CNTLN: variants seen among roughly 807,000 people sequenced by gnomAD.
CNTLN encodes the protein centlein, also known as centlein, centrosomal protein.
A neutral mutation model predicts 180.0 loss-of-function variants in CNTLN; 212 were observed. That is an observed-to-expected ratio of 1.18 (90% CI 1.05 to 1.32). CNTLN has a LOEUF of 1.32. Among genes scored for constraint, CNTLN ranks in the 40% most tolerant of loss-of-function variants. The pLI, the probability that CNTLN is intolerant of heterozygous loss-of-function variation, is 0.00. For missense variants in CNTLN, 2,095 were observed against 1,610.9 expected (o/e 1.30, Z -5.14); for synonymous variants, 722 against 563.1 (o/e 1.28, Z -3.99).
rs777009776 is a variant in CNTLN, at chr9:17,332,732, T to C, written c.1644+2T>C. 1.3e-6 allele frequency: 2 copies of C among 1,581,824 alleles called. No individual in the cohort carries two copies. Among genetic ancestry groups the C allele is most frequent in the South Asian group, 2.3e-5 (2 of 85,346 alleles). Reference sequence around the variant, plus strand: ...TTAGAGAAGGCACTACAACTAAAGGTGAACATTAAATCATTTCTTTAGTAG... The same window carrying C: ...TTAGAGAAGGCACTACAACTAAAGGCGAACATTAAATCATTTCTTTAGTAG... On this transcript the variant is annotated splice_donor_variant, in intron 10 of 25. Transcript: ENST00000380647. LOFTEE classifies it high-confidence loss of function.
the CNTLN span, among the ~76,000 whole-genome samples, chr9:17,512,956 A>G: frequency 6.6e-6 from 1 of 152,108 alleles, no homozygotes; most frequent in Non-Finnish European, 1.5e-5. Flanking sequence ...AGCTGGGACT[A>G]CAGGCGCCCA....
the CNTLN span, among the ~76,000 whole-genome samples, chr9:17,520,218 T>C: frequency 6.6e-6 from 1 of 152,234 alleles, no homozygotes; most frequent in Non-Finnish European, 1.5e-5. Flanking sequence ...TCTGATCTTC[T>C]GTAATAGCCA....
chr9:17,152,245 G>A (rs1818939405), intron 2 of CNTLN, among the ~76,000 whole-genome samples: 2 of 152,028 alleles, frequency 1.3e-5, no homozygotes, highest in Admixed American at 6.6e-5. Context: ...CCTTTTAATT[G>A]TGATGTTAGG....
At chr9:17,316,321 C>T (rs569519821) in intron 8 of CNTLN, among the ~76,000 whole-genome samples, 1 of 152,004 alleles carries the variant, frequency 6.6e-6, no homozygotes, top group African/African-American at 2.4e-5. Flanking sequence ...AATATATGTG[C>T]CTTTTAATCT....
the CNTLN span, among the ~76,000 whole-genome samples, chr9:17,514,479 A>G: frequency 6.6e-6 from 1 of 152,242 alleles, no homozygotes; most frequent in Non-Finnish European, 1.5e-5. Flanking sequence ...AACTACACAC[A>G]GAAGAAGATG....
At chr9:17,181,909 T>C (rs1355743657) in intron 2 of CNTLN, among the ~76,000 whole-genome samples, 1 of 152,208 alleles carries the variant, frequency 6.6e-6, no homozygotes, top group Non-Finnish European at 1.5e-5. Context: ...AGCCTTGTTA[T>C]TGCTGGGCAG....
chr9:17,323,845 C>G (rs1487776219), intron 8 of CNTLN, among the ~76,000 whole-genome samples: 1 of 152,080 alleles, frequency 6.6e-6, no homozygotes, highest in African/African-American at 2.4e-5. Context: ...ATTACCCTAG[C>G]AGTTAACAAG....
At chr9:17,187,700 T>C (rs1460250561) in intron 2 of CNTLN, among the ~76,000 whole-genome samples, 1 of 151,720 alleles carries the variant, frequency 6.6e-6, no homozygotes, top group African/African-American at 2.4e-5. Flanking sequence ...GAATTTAACA[T>C]AATTTATTGT....
At chr9:17,396,533 G>T (rs1826539320) in intron 15 of CNTLN, among the ~76,000 whole-genome samples, 1 of 151,900 alleles carries the variant, frequency 6.6e-6, no homozygotes, top group African/African-American at 2.4e-5. Flanking sequence ...ATTTTGTTTT[G>T]TTTTTAAATC....
intron 8 of CNTLN, among the ~76,000 whole-genome samples, chr9:17,327,427 G>A (rs1042152361): frequency 2.7e-5 from 4 of 150,128 alleles, no homozygotes; most frequent in Non-Finnish European, 5.9e-5. Flanking sequence ...CTCGTGATCC[G>A]CTCTTCTCGG....
intron 2 of CNTLN, among the ~76,000 whole-genome samples, chr9:17,165,079 C>T (rs148680949): frequency 6.6e-6 from 1 of 151,860 alleles, no homozygotes; most frequent in African/African-American, 2.4e-5. Context: ...ACCTCGTGAT[C>T]CATCCTCCTT....
intron 2 of CNTLN, among the ~76,000 whole-genome samples, chr9:17,178,316 T>A (rs1344190825): frequency 1.3e-5 from 2 of 152,174 alleles, no homozygotes. Flanking sequence ...GTTCTCCAAT[T>A]CCCCACCAGA....
chr9:17,232,212 G>A (rs928720469), intron 3 of CNTLN, among the ~76,000 whole-genome samples: 2 of 151,948 alleles, frequency 1.3e-5, no homozygotes, highest in African/African-American at 2.4e-5. Flanking sequence ...GTGCTCTTGT[G>A]TTGGGAGAGA....
chr9:17,382,936 A>G (rs537696605), intron 13 of CNTLN, among the ~76,000 whole-genome samples: 97 of 152,166 alleles, frequency 6.4e-4, no homozygotes, highest in Admixed American at 3.0e-3. Flanking sequence ...GCAAAATAAA[A>G]CCCCAAAAGT....
intron 2 of CNTLN, among the ~76,000 whole-genome samples, chr9:17,203,585 C>T (rs1231279492): frequency 6.6e-6 from 1 of 152,090 alleles, no homozygotes; most frequent in Non-Finnish European, 1.5e-5. Flanking sequence ...GAGACAGAGT[C>T]TCACTCTGTC....
chr9:17,290,865 G>T (rs1029965323), intron 6 of CNTLN, among the ~76,000 whole-genome samples: 2 of 152,292 alleles, frequency 1.3e-5, no homozygotes, highest in Admixed American at 1.3e-4. Context: ...CCCTGCTTCG[G>T]CTCGCGCATG....
chr9:17,394,552 C>T lies in CNTLN; in HGVS notation c.2098C>T (p.Arg700Trp), dbSNP rs181851213. Reference sequence around the variant, plus strand: ...CCTTTAGGTCACTGAGTTGGAAAATCGGCTGAAATCTTTTGAGAAAAGGTC... The same window carrying T: ...CCTTTAGGTCACTGAGTTGGAAAATTGGCTGAAATCTTTTGAGAAAAGGTC... ...TLQKVTELEN[R>W]LKSFEKRSRK... Residue 700 changes from arginine (R) to tryptophan (W), a missense_variant, in exon 15 of 26, where the codon CGG (arginine) becomes TGG (tryptophan). By Grantham distance (101) the Arg-to-Trp change is moderately radical. Transcript: ENST00000380647. 3.0e-5 allele frequency: 48 copies of T among 1,575,340 alleles called. No homozygotes were observed. Among genetic ancestry groups the T allele is most frequent in the African/African-American group, 2.6e-4 (19 of 72,556 alleles).
At chr9:17,322,786 C>T (rs1023088794) in intron 8 of CNTLN, among the ~76,000 whole-genome samples, 9 of 152,080 alleles carry the variant, frequency 5.9e-5, no homozygotes, top group Admixed American at 5.2e-4. Flanking sequence ...TAGAATACAG[C>T]TGCTAGGCTT....
At chr9:17,399,531 G>A (rs1262095994) in intron 15 of CNTLN, among the ~76,000 whole-genome samples, 2 of 151,690 alleles carry the variant, frequency 1.3e-5, no homozygotes, top group African/African-American at 4.8e-5. Flanking sequence ...TTTTCTTTTT[G>A]CTTCAGGAAT....
Sources: gnomAD v4.1 joint callset for allele counts (sites outside exome capture counted in the v4.1 genomes callset) on GRCh38, gnomAD v4.1.1 for gene constraint, MANE v1.5 for transcripts, NCBI Gene and HGNC (gene_info 2026-07-23, HGNC 2026-07-21) for gene names.